Variants in ARID2 observed in about 807,000 individuals in gnomAD.
ARID2 encodes AT-rich interaction domain 2, also known as AT-rich interactive domain-containing protein 2.
Under a neutral mutation model 184.6 loss-of-function variants are expected in ARID2, and 32 were observed. That is an observed-to-expected ratio of 0.17 (90% CI 0.13 to 0.23). The LOEUF is 0.23. Among genes scored for constraint, ARID2 ranks in the 10% least tolerant of loss-of-function variants. The pLI, the probability that ARID2 is intolerant of heterozygous loss-of-function variation, is 1.00. For missense variants in ARID2, 1,696 were observed against 2,197.6 expected (o/e 0.77, Z 4.56); for synonymous variants, 836 against 772.6 (o/e 1.08, Z -1.36).
rs995867385 is a variant in ARID2, at chr12:45,729,925, G to C, written c.89G>C (p.Arg30Thr). 14 of 1,608,214 alleles carry C rather than the reference G, an allele frequency of 8.7e-6. No individual in the cohort carries two copies. The highest frequency in any genetic ancestry group is 1.2e-5 in the Non-Finnish European group (14 of 1,177,518). ...GAGCTGCGGCAGTTCCACCACAGCA[G>C]AGGGTGAGAGCAGAACCGGGGGGGC... ...LDELRQFHHS[R>T]GSPFKKIPAV... The change falls in exon 1 of 21, where the codon AGA (arginine) becomes ACA (threonine). Residue 30 changes from arginine (R) to threonine (T), a missense_variant. Coordinates refer to ENST00000334344, the MANE Select transcript of ARID2 (RefSeq NM_152641.4).
At position 45,817,712 on chromosome 12, in the gene ARID2, C is replaced by G. The variant is rs554503964; in HGVS notation, c.461C>G (p.Ser154Trp). The G allele has an allele frequency of 1.9e-6, 3 of 1,611,858 alleles. No individual in the cohort carries two copies. Among genetic ancestry groups the G allele is most frequent in the Non-Finnish European group, 2.5e-6 (3 of 1,179,712 alleles). The change falls in exon 5 of 21, where the codon TCG becomes TGG. Residue 154 changes from serine to tryptophan, a missense_variant. Physicochemically the swap from Ser to Trp is radical, Grantham distance 177. Around this residue, in one of 11 missense-constraint regions of ARID2, gnomAD observed 148 missense variants for 285.4 expected, o/e 0.52. Coordinates refer to ENST00000334344, the MANE Select transcript of ARID2 (RefSeq NM_152641.4). ...TATGGGCTGTCCATGGACTTTAATT[C>G]GCCAAATGATTATAATAAATTGGTG... ...QSYGLSMDFNSPNDYNKLVLS... is the reference protein window; with the variant it reads ...QSYGLSMDFNWPNDYNKLVLS...
At chr12:45,836,333 C>G (rs541704540) in intron 6 of ARID2, among the ~76,000 whole-genome samples, 1 of 152,294 alleles carries the variant, frequency 6.6e-6, no homozygotes, top group Admixed American at 6.5e-5. Context: ...CCTCAGCCTC[C>G]CAAGTAGCTG....
chr12:45,793,125 C>A (rs1205919295), intron 3 of ARID2, among the ~76,000 whole-genome samples: 1 of 151,982 alleles, frequency 6.6e-6, no homozygotes, highest in Non-Finnish European at 1.5e-5. Flanking sequence ...ATGGTTGAAA[C>A]CCCATCTCTA....
intron 3 of ARID2, among the ~76,000 whole-genome samples, chr12:45,806,973 G>A (rs1258369412): frequency 1.3e-5 from 2 of 152,134 alleles, no homozygotes; most frequent in Admixed American, 1.3e-4. Context: ...GTTACTCTCT[G>A]GGTCCCCTTT....
Position 45,831,364 on chromosome 12 carries a change from C to T in ARID2, c.706-5225C>T, listed in dbSNP as rs144213375. Among the ~76,000 whole-genome samples, 60 of 152,094 alleles carry T rather than the reference C, an allele frequency of 3.9e-4. 1 individual carries two copies. The East Asian group carries it at 8.3e-3, about 21-fold the overall frequency. Reference sequence around the variant, plus strand: ...CTCATTTCCACTGTGATTTCCTCTACGTGGGTTATTTATTTAAGTTTTTAA... The same window carrying T: ...CTCATTTCCACTGTGATTTCCTCTATGTGGGTTATTTATTTAAGTTTTTAA... On this transcript the variant is annotated intron_variant, in intron 6 of 20. Coordinates refer to ENST00000334344, the MANE Select transcript of ARID2 (RefSeq NM_152641.4).
chr12:45,803,330 AT>A (rs542100417), intron 3 of ARID2, among the ~76,000 whole-genome samples: 8 of 151,622 alleles, frequency 5.3e-5, no homozygotes, highest in Non-Finnish European at 1.0e-4. Flanking sequence ...TTCCAACAGT[AT>A]TTTTTTTGCC....
chr12:45,748,759 A>G (rs1414334067), intron 3 of ARID2, among the ~76,000 whole-genome samples: 1 of 152,122 alleles, frequency 6.6e-6, no homozygotes, highest in African/African-American at 2.4e-5. Context: ...AGCAATGTTC[A>G]CAGCATCTTC....
At chr12:45,881,174 T>C (rs1162757627) in intron 16 of ARID2, 1 of 153,000 alleles carries the variant, frequency 6.5e-6, no homozygotes, top group Non-Finnish European at 1.5e-5. Flanking sequence ...CCACCCATGT[T>C]TGAGAAATTT....
At chr12:45,738,563 G>C (rs1941176620) in intron 3 of ARID2, among the ~76,000 whole-genome samples, 1 of 152,110 alleles carries the variant, frequency 6.6e-6, no homozygotes, top group South Asian at 2.1e-4. Context: ...CACCCATCTT[G>C]ACCTCCCAAA....
At chr12:45,842,706 G>A (rs947714647) in intron 11 of ARID2, among the ~76,000 whole-genome samples, 3 of 150,928 alleles carry the variant, frequency 2.0e-5, no homozygotes, top group Non-Finnish European at 4.4e-5. Flanking sequence ...GCAGTGAGCC[G>A]AGATCATGCC....
At chr12:45,738,188 G>C (rs180888329) in intron 3 of ARID2, among the ~76,000 whole-genome samples, 2 of 151,890 alleles carry the variant, frequency 1.3e-5, no homozygotes, top group Admixed American at 6.6e-5. Flanking sequence ...GGTCTGTCCT[G>C]GTATTTCGTA....
chr12:45,844,167 A>C (rs1565619043), intron 11 of ARID2, among the ~76,000 whole-genome samples: 1 of 151,932 alleles, frequency 6.6e-6, no homozygotes. Flanking sequence ...GCTCCTGAGT[A>C]GTTGGTACTA....
intron 4 of ARID2, 55 bp downstream of exon 4, chr12:45,811,606 A>G (rs1942710087): frequency 6.3e-7 from 1 of 1,582,554 alleles, no homozygotes; most frequent in South Asian, 1.1e-5. Context: ...AATTAGGAAA[A>G]TAGACATCAT....
chr12:45,733,136 G>A lies in ARID2; in HGVS notation c.284+1822G>A, dbSNP rs992211000. On this transcript the variant is annotated intron_variant, in intron 3 of 20. Coordinates refer to ENST00000334344, the MANE Select transcript of ARID2 (RefSeq NM_152641.4). The stretch of plus-strand genomic sequence containing the variant: ...CACTCTCTAGGTTTGTTTTTGCAGG[G>A]TTGTAGCTAGGCTACTAGGAAAAAA... Among the ~76,000 whole-genome samples the A allele has an allele frequency of 2.0e-5, 3 of 152,066 alleles. No homozygotes were observed. The East Asian group carries it at 5.8e-4, about 29-fold the overall frequency.
chr12:45,730,288 G>A, intron 2 of ARID2, 151 bp downstream of exon 2: 1 of 623,192 alleles, frequency 1.6e-6, no homozygotes, highest in Non-Finnish European at 2.4e-6. Context: ...GGAGGCGGAC[G>A]GCGGCGGGGC....
chr12:45,835,306 T>C (rs1350535753), intron 6 of ARID2, among the ~76,000 whole-genome samples: 1 of 152,224 alleles, frequency 6.6e-6, no homozygotes, highest in Non-Finnish European at 1.5e-5. Context: ...ATATCTTTAA[T>C]ATCTGAATTC....
intron 3 of ARID2, among the ~76,000 whole-genome samples, chr12:45,778,188 A>G (rs1391052814): frequency 2.0e-5 from 3 of 152,166 alleles, no homozygotes; most frequent in Admixed American, 6.5e-5. Context: ...CCTGGGGGAC[A>G]AGAGCGAGAC....
intron 3 of ARID2, among the ~76,000 whole-genome samples, chr12:45,780,612 T>G (rs925835203): frequency 1.3e-5 from 2 of 151,672 alleles, no homozygotes; most frequent in Admixed American, 1.3e-4. Context: ...TTGATATAAA[T>G]TATTATTATT....
chr12:45,872,470 T>C (rs1227211924), intron 16 of ARID2, among the ~76,000 whole-genome samples: 1 of 152,186 alleles, frequency 6.6e-6, no homozygotes, highest in East Asian at 1.9e-4. Flanking sequence ...GGGTAACTTA[T>C]AAAGAATAAA....
Sources: gnomAD v4.1 joint callset for allele counts (sites outside exome capture counted in the v4.1 genomes callset) on GRCh38, gnomAD v4.1.1 for gene constraint, gnomAD v4.1.1 regional missense constraint, MANE v1.5 for transcripts, NCBI Gene and HGNC (gene_info 2026-07-23, HGNC 2026-07-21) for gene names.